CCDC181: variants seen among roughly 807,000 people sequenced by gnomAD.
CCDC181 encodes coiled-coil domain containing 181.
CCDC181 carries 35 observed loss-of-function variants against 58.7 expected under a neutral mutation model. That is an observed-to-expected ratio of 0.60 (90% confidence interval 0.46 to 0.79). The LOEUF is 0.79. Ranked by LOEUF, CCDC181 falls within the 30% of genes least tolerant of loss-of-function variation. The pLI is 0.00. For synonymous variants in CCDC181, 183 were observed against 197.5 expected (o/e 0.93, Z 0.62); for missense variants, 517 against 583.9 (o/e 0.89, Z 1.18).
rs114391202 is a variant in CCDC181 at position 169,410,968 on chromosome 1, G to A, written c.1215+8045C>T. Among the ~76,000 whole-genome samples, 1,095 of 151,984 alleles carry A rather than the reference G, an allele frequency of 7.2e-3. 14 individuals carry two copies. The highest frequency in any genetic ancestry group is 0.025 in the African/African-American group (1,018 of 41,486). ...CATCTAAAATCAACATTTTAACATC[G>A]CAATTAAAAGAACTAGAGAAGCAAG... On this transcript the variant is annotated intron_variant, in intron 4 of 5. Coordinates refer to ENST00000367806, the MANE Select transcript of CCDC181 (RefSeq NM_001300969.2).
chr1:169,423,065 A>T (rs945562462), intron 2 of CCDC181, among the ~76,000 whole-genome samples: 3 of 147,350 alleles, frequency 2.0e-5, no homozygotes, highest in Non-Finnish European at 3.0e-5. Flanking sequence ...TAAATATTTT[A>T]TATATATATA....
exon 1 of CCDC181, chr1:169,460,371 C>T (rs537229664): frequency 6.6e-6 from 1 of 152,244 alleles, no homozygotes; most frequent in African/African-American, 2.4e-5. Context: ...GAGTTCGACT[C>T]CTCCTCCTGC....
intron 2 of CCDC181, among the ~76,000 whole-genome samples, chr1:169,458,419 A>G (rs1437226696): frequency 2.0e-5 from 3 of 152,030 alleles, no homozygotes; most frequent in African/African-American, 7.2e-5. Context: ...GTTTTTTTAA[A>G]TGTTTACCAG....
At chr1:169,434,230 A>G (rs1431280867) in intron 2 of CCDC181, among the ~76,000 whole-genome samples, 1 of 152,084 alleles carries the variant, frequency 6.6e-6, no homozygotes, top group African/African-American at 2.4e-5. Context: ...CATGCAAATC[A>G]AAACCACTAT....
Position 169,421,795 on chromosome 1 carries a change from G to A in CCDC181, c.636C>T (p.Asn212=). 5.6e-6 allele frequency: 9 copies of A among 1,614,062 alleles called. No homozygotes were observed. The highest frequency in any genetic ancestry group is 7.6e-6 in the Non-Finnish European group (9 of 1,180,006). The stretch of plus-strand genomic sequence containing the variant: ...TCTCTACCAGTATTGTCCTATCCTT[G>A]TTTTCTTCACAGCTTCCATTAGTAA... ...LSLTNGSCEE[N]KDRTILVERD... is the part of the protein sequence containing the mutation. The change falls in exon 3 of 6, where the codon AAC becomes AAT. Residue 212 remains asparagine, a synonymous_variant. Transcript: ENST00000367806.
chr1:169,404,982 T>C (rs899836232), intron 4 of CCDC181, among the ~76,000 whole-genome samples: 3 of 152,184 alleles, frequency 2.0e-5, no homozygotes, highest in Non-Finnish European at 4.4e-5. Flanking sequence ...AAAATCAATG[T>C]ACAAAAATCA....
upstream of CCDC181, among the ~76,000 whole-genome samples, chr1:169,428,907 G>A (rs1656823001): frequency 6.6e-6 from 1 of 152,032 alleles, no homozygotes; most frequent in Admixed American, 6.6e-5. Context: ...TGCCCACCTG[G>A]GCCTCTTAAC....
chr1:169,435,407 A>G (rs547181809), intron 2 of CCDC181, among the ~76,000 whole-genome samples: 40 of 152,278 alleles, frequency 2.6e-4, no homozygotes, highest in African/African-American at 9.4e-4. Flanking sequence ...TGTCAACAAA[A>G]AAGATGTTAC....
At chr1:169,428,380 T>C (rs1656802391), upstream of CCDC181, among the ~76,000 whole-genome samples, 1 of 152,204 alleles carries the variant, frequency 6.6e-6, no homozygotes, top group South Asian at 2.1e-4. Context: ...TTAATGGATG[T>C]AGAGTTGTAG....
intron 4 of CCDC181, among the ~76,000 whole-genome samples, chr1:169,413,800 A>G (rs1031905629): frequency 1.3e-5 from 2 of 151,934 alleles, no homozygotes; most frequent in Non-Finnish European, 2.9e-5. Context: ...GTTCTCACTC[A>G]TAAGTGGAAG....
chr1:169,450,955 T>G (rs1016902847), intron 2 of CCDC181, among the ~76,000 whole-genome samples: 8 of 152,226 alleles, frequency 5.3e-5, no homozygotes, highest in Non-Finnish European at 1.2e-4. Context: ...AACCTAAGTA[T>G]TTTGGATTTT....
chr1:169,421,258 CA>C lies in CCDC181; in HGVS notation c.1068+104del, dbSNP rs533141686. ...TCTAACAATAGATAAATAAAGCAAT[CA>C]AAAAAAGTCTCCAATGGTTTGAACA... On this transcript the variant is annotated intron_variant, in intron 3 of 5. Transcript: ENST00000367806. 498 of 823,480 alleles carry C rather than the reference CA, an allele frequency of 6.0e-4. 3 individuals carry two copies. The African/African-American group carries it at 7.1e-3, about 12-fold the overall frequency. 51.0% of individuals were successfully genotyped at this position (823,480 alleles called of 1,614,324 possible). A position where few individuals can be genotyped will look rare whatever the true frequency, so the allele number is the denominator to read the frequency against.
chr1:169,423,362 C>T (rs1656572143), intron 2 of CCDC181, among the ~76,000 whole-genome samples: 1 of 151,512 alleles, frequency 6.6e-6, no homozygotes, highest in Admixed American at 6.6e-5. Flanking sequence ...TTTATTTTTC[C>T]AATATCATGA....
intron 2 of CCDC181, among the ~76,000 whole-genome samples, chr1:169,439,017 A>T (rs1461780277): frequency 6.6e-6 from 1 of 151,918 alleles, no homozygotes; most frequent in Admixed American, 6.6e-5. Flanking sequence ...CTTAACCAAG[A>T]CTCTTCCTAC....
intron 2 of CCDC181, among the ~76,000 whole-genome samples, chr1:169,452,237 A>G (rs991747154): frequency 1.3e-5 from 2 of 152,136 alleles, no homozygotes; most frequent in Non-Finnish European, 2.9e-5. Context: ...AAAGAAAAAG[A>G]ACCAGAAAGA....
chr1:169,397,932 GC>G (rs1343419491), intron 4 of CCDC181, among the ~76,000 whole-genome samples: 6 of 152,160 alleles, frequency 3.9e-5, no homozygotes, highest in African/African-American at 1.4e-4. Context: ...CCAAATATAA[GC>G]TTTGTGATTG....
intron 2 of CCDC181, among the ~76,000 whole-genome samples, chr1:169,446,564 A>G (rs1657383961): frequency 6.6e-6 from 1 of 152,208 alleles, no homozygotes; most frequent in Non-Finnish European, 1.5e-5. Context: ...CCATATACCC[A>G]TGGGTTCTGC....
At chr1:169,402,823 A>G (rs1655426142) in intron 4 of CCDC181, among the ~76,000 whole-genome samples, 1 of 152,216 alleles carries the variant, frequency 6.6e-6, no homozygotes. Context: ...CTTTAGATGT[A>G]AATGGGCTAA....
intron 2 of CCDC181, among the ~76,000 whole-genome samples, chr1:169,433,690 A>G (rs931766723): frequency 2.0e-5 from 3 of 152,062 alleles, no homozygotes; most frequent in Non-Finnish European, 4.4e-5. Context: ...AAAGGATATC[A>G]TCTTTCAACA....
Sources: gnomAD v4.1 joint callset for allele counts (sites outside exome capture counted in the v4.1 genomes callset) on GRCh38, gnomAD v4.1.1 for gene constraint, MANE v1.5 for transcripts, NCBI Gene and HGNC (gene_info 2026-07-23, HGNC 2026-07-21) for gene names.